The following ADGRB3 variants were observed in gnomAD, a reference collection of about 807,000 sequenced individuals.
ADGRB3 encodes adhesion G protein-coupled receptor B3, also known as brain-specific angiogenesis inhibitor 3.
In ADGRB3, 37 loss-of-function variants were observed where a neutral mutation model predicts 193.4. That is an observed-to-expected ratio of 0.19 (90% CI 0.15 to 0.25). ADGRB3 has a LOEUF of 0.25. ADGRB3 is among the 10% of genes least tolerant of loss of function. The pLI, the probability that ADGRB3 is intolerant of heterozygous loss-of-function variation, is 1.00. For missense variants in ADGRB3, 1,637 were observed against 1,852.9 expected (o/e 0.88, Z 2.14); for synonymous variants, 690 against 644.2 (o/e 1.07, Z -1.08).
intron 3 of ADGRB3, among the ~76,000 whole-genome samples, chr6:68,846,504 C>G (rs1199760150): frequency 6.6e-6 from 1 of 152,226 alleles, no homozygotes; most frequent in East Asian, 1.9e-4. Flanking sequence ...GGGCCCCATG[C>G]TGTATGAAGC....
intron 3 of ADGRB3, among the ~76,000 whole-genome samples, chr6:68,904,037 G>GGGAGGGAA (rs58787855): frequency 1.2e-4 from 13 of 105,202 alleles, no homozygotes; most frequent in Non-Finnish European, 2.2e-4. Context: ...AAACAAGGAA[G>GGGAGGGAA]GGAGGGAAGG....
chr6:69,133,502 T>A (rs1774069355), intron 17 of ADGRB3, among the ~76,000 whole-genome samples: 2 of 151,918 alleles, frequency 1.3e-5, no homozygotes, highest in South Asian at 4.1e-4. Context: ...AAAACACCCA[T>A]GACCAGATGG....
intron 12 of ADGRB3, among the ~76,000 whole-genome samples, chr6:69,016,827 G>A (rs1351287478): frequency 1.3e-5 from 2 of 151,860 alleles, no homozygotes; most frequent in African/African-American, 2.4e-5. Flanking sequence ...AGAGAGTGGG[G>A]TTGAGGGAGG....
At chr6:68,840,328 ATCAGGCCACAG>A (rs1027630735) in intron 3 of ADGRB3, among the ~76,000 whole-genome samples, 3 of 142,184 alleles carry the variant, frequency 2.1e-5, no homozygotes, top group Non-Finnish European at 4.5e-5. Flanking sequence ...TAGATACTAC[ATCAGGCCACAG>A]TGGGGCAGTG....
At chr6:69,164,126 T>C (rs2150345581) in intron 17 of ADGRB3, among the ~76,000 whole-genome samples, 1 of 152,224 alleles carries the variant, frequency 6.6e-6, no homozygotes, top group East Asian at 1.9e-4. Context: ...CTTCTCTTCC[T>C]CTGTTCGCAT....
chr6:69,106,056 C>T lies in ADGRB3; in HGVS notation c.2480+30018C>T, dbSNP rs534505412. ...GAGGCTGAGGCATGGGAGTCTAAGACAGAAGAATAGAAGAATTGCTTAAAC... is the reference window on the plus strand; with the variant it reads ...GAGGCTGAGGCATGGGAGTCTAAGATAGAAGAATAGAAGAATTGCTTAAAC... On this transcript the variant is annotated intron_variant, in intron 17 of 31. Transcript: ENST00000370598. Among the ~76,000 whole-genome samples, 4 of 147,138 alleles carry T rather than the reference C, an allele frequency of 2.7e-5. No individual in the cohort carries two copies. The South Asian group carries it at 8.7e-4, about 32-fold the overall frequency.
At chr6:68,809,892 T>G (rs552258940) in intron 3 of ADGRB3, among the ~76,000 whole-genome samples, 77 of 152,300 alleles carry the variant, frequency 5.1e-4, no homozygotes, top group African/African-American at 1.8e-3. Flanking sequence ...TCACTGAAAA[T>G]TTAATGTCAG....
chr6:69,366,137 A>AT (rs899456521), intron 29 of ADGRB3, among the ~76,000 whole-genome samples: 1 of 151,506 alleles, frequency 6.6e-6, no homozygotes, highest in African/African-American at 2.4e-5. Context: ...TCTCTTTTAC[A>AT]TTTTTTTTCT....
At chr6:68,992,408 CCTT>C (rs757901852) in intron 10 of ADGRB3, among the ~76,000 whole-genome samples, 5 of 152,098 alleles carry the variant, frequency 3.3e-5, no homozygotes, top group Non-Finnish European at 7.4e-5. Context: ...GGGTTCATGT[CCTT>C]CTTATTGGCC....
At chr6:69,228,546 C>T (rs2127254464) in intron 17 of ADGRB3, among the ~76,000 whole-genome samples, 1 of 152,200 alleles carries the variant, frequency 6.6e-6, no homozygotes, top group Admixed American at 6.5e-5. Context: ...AAATTAGAAC[C>T]TTGTTGTTAT....
chr6:68,958,465 A>G (rs1184653673), intron 8 of ADGRB3, among the ~76,000 whole-genome samples: 3 of 152,136 alleles, frequency 2.0e-5, no homozygotes, highest in Non-Finnish European at 4.4e-5. Context: ...GTCTGGGCAT[A>G]CCACAGTTCT....
intron 3 of ADGRB3, among the ~76,000 whole-genome samples, chr6:68,795,165 T>C (rs1249099114): frequency 2.0e-5 from 3 of 151,956 alleles, no homozygotes; most frequent in African/African-American, 7.2e-5. Flanking sequence ...ATGTGGTCAG[T>C]GATATTAGCT....
intron 3 of ADGRB3, among the ~76,000 whole-genome samples, chr6:68,849,705 CTA>C (rs150725861): frequency 0.014 from 2,141 of 151,984 alleles, 41 homozygotes; most frequent in African/African-American, 0.049. Context: ...ATTCACCTCT[CTA>C]TGCAAATATA....
chr6:68,979,980 G>A lies in ADGRB3; in HGVS notation c.1734+4640G>A, dbSNP rs922388632. On this transcript the variant is annotated intron_variant, in intron 10 of 31. Coordinates refer to ENST00000370598, the MANE Select transcript of ADGRB3 (RefSeq NM_001704.3). ...GGTAGACAAATCTAAAGCAAAGGGA[G>A]TTGATCCAAGCATACCAATGCTTTC... Among the ~76,000 whole-genome samples the A allele has an allele frequency of 2.6e-5, 4 of 151,348 alleles. 1 individual carries two copies. Among genetic ancestry groups the A allele is most frequent in the Non-Finnish European group, 4.4e-5 (3 of 67,602 alleles).
chr6:68,971,722 A>G (rs1768576267), intron 8 of ADGRB3, among the ~76,000 whole-genome samples: 1 of 152,262 alleles, frequency 6.6e-6, no homozygotes, highest in Admixed American at 6.5e-5. Context: ...TGACTGCCAT[A>G]TAACAAGCGA....
intron 17 of ADGRB3, among the ~76,000 whole-genome samples, chr6:69,093,640 G>A (rs936078553): frequency 6.7e-6 from 1 of 150,184 alleles, no homozygotes; most frequent in African/African-American, 2.5e-5. Context: ...GGGGAGCCCA[G>A]GATCTAGGGA....
intron 28 of ADGRB3, among the ~76,000 whole-genome samples, chr6:69,359,421 A>G (rs1466590171): frequency 6.6e-6 from 1 of 151,752 alleles, no homozygotes; most frequent in African/African-American, 2.4e-5. Flanking sequence ...AATTACATAA[A>G]AAGGCACAGC....
chr6:69,316,387 T>C (rs1768313197), intron 20 of ADGRB3, among the ~76,000 whole-genome samples: 1 of 151,388 alleles, frequency 6.6e-6, no homozygotes, highest in Non-Finnish European at 1.5e-5. Flanking sequence ...AAAGGAAAAA[T>C]GTATTTCTTA....
chr6:68,789,090 G>C (rs1335801362), intron 3 of ADGRB3, among the ~76,000 whole-genome samples: 1 of 151,840 alleles, frequency 6.6e-6, no homozygotes, highest in Non-Finnish European at 1.5e-5. Flanking sequence ...CACACTGATG[G>C]GTCTTGACTC....
Sources: allele counts gnomAD v4.1 joint callset (sites outside exome capture counted in the v4.1 genomes callset), GRCh38; gene constraint gnomAD v4.1.1; transcripts MANE v1.5; gene names NCBI Gene and HGNC (gene_info 2026-07-23, HGNC 2026-07-21).